RALYL: variants seen among roughly 807,000 people sequenced by gnomAD.
RALYL encodes RALY RNA binding protein like.
In RALYL, 29 loss-of-function variants were observed where a neutral mutation model predicts 35.1. The observed-to-expected ratio is 0.83, with a 90% CI of 0.61 to 1.13. The LOEUF is 1.13. RALYL is among the 50% of genes most tolerant of loss of function. The pLI is 0.00. For missense variants in RALYL, 359 were observed against 360.4 expected, an observed-to-expected ratio of 1.00 and a Z score of 0.03; for synonymous variants, 120 against 127.6, an observed-to-expected ratio of 0.94 and a Z score of 0.40.
intron 2 of RALYL, among the ~76,000 whole-genome samples, chr8:84,632,189 C>T (rs1238717136): frequency 6.6e-6 from 1 of 151,900 alleles, no homozygotes; most frequent in Non-Finnish European, 1.5e-5. Context: ...CCTCATAAGA[C>T]ACAGAATCTG....
chr8:84,771,965 G>C (rs759036828), intron 2 of RALYL, among the ~76,000 whole-genome samples: 84 of 151,772 alleles, frequency 5.5e-4, no homozygotes, highest in Non-Finnish European at 1.1e-3. Flanking sequence ...CTATTTTATT[G>C]CTTTCTAAAC....
intron 2 of RALYL, among the ~76,000 whole-genome samples, chr8:84,716,974 A>C (rs1483128045): frequency 6.6e-6 from 1 of 152,074 alleles, no homozygotes; most frequent in African/African-American, 2.4e-5. Flanking sequence ...AGATCACGAG[A>C]TCAGAAGTTT....
intron 1 of RALYL, among the ~76,000 whole-genome samples, chr8:84,431,383 G>C (rs2047124832): frequency 6.6e-6 from 1 of 151,818 alleles, no homozygotes; most frequent in African/African-American, 2.4e-5. Context: ...ATGGCCAACA[G>C]GTCTATGAAA....
Position 84,525,953 on chromosome 8 carries a change from C to CTTTTTTTTTTTTTTTTTTTTT in RALYL, c.-23-3344_-23-3324dup, listed in dbSNP as rs35794329. Among the ~76,000 whole-genome samples, 65 of 104,862 alleles carry CTTTTTTTTTTTTTTTTTTTTT rather than the reference C, an allele frequency of 6.2e-4. 1 individual carries two copies. Among genetic ancestry groups the CTTTTTTTTTTTTTTTTTTTTT allele is most frequent in the African/African-American group, 1.8e-3 (48 of 25,996 alleles). 68.8% of individuals were successfully genotyped at this position (104,862 alleles called of 152,430 possible). ...ACTTCTATTTTCTCTTTTCTTTTTT[C>CTTTTTTTTTTTTTTTTTTTTT]TTTTTTTTTTTTTTTTTTTTTTGAG... On this transcript the variant is annotated intron_variant, in intron 1 of 8. Transcript: ENST00000521268.
chr8:84,597,917 C>T (rs115179766), intron 2 of RALYL, among the ~76,000 whole-genome samples: 348 of 152,080 alleles, frequency 2.3e-3, no homozygotes, highest in African/African-American at 5.2e-3. Flanking sequence ...TTTGTTGATC[C>T]CTGCTCTTAA....
intron 1 of RALYL, among the ~76,000 whole-genome samples, chr8:84,397,320 G>A (rs2042441958): frequency 6.6e-6 from 1 of 152,126 alleles, no homozygotes. Context: ...GGTATTTTAA[G>A]TAATTTAAAT....
chr8:84,577,459 A>T (rs916230359), intron 2 of RALYL, among the ~76,000 whole-genome samples: 18 of 152,222 alleles, frequency 1.2e-4, no homozygotes, highest in African/African-American at 4.3e-4. Context: ...CAGAGCATTC[A>T]TGGGGTTTGA....
chr8:84,467,122 T>G (rs1255224727), intron 1 of RALYL, among the ~76,000 whole-genome samples: 1 of 152,090 alleles, frequency 6.6e-6, no homozygotes, highest in Admixed American at 6.5e-5. Context: ...TTTTGAAGGG[T>G]TTTTTGTGTC....
chr8:84,489,198 A>C (rs918580914), intron 1 of RALYL, among the ~76,000 whole-genome samples: 1 of 151,886 alleles, frequency 6.6e-6, no homozygotes, highest in Non-Finnish European at 1.5e-5. Context: ...GCTAGCTACT[A>C]TTGGCTTTTC....
At chr8:84,340,745 C>A (rs935584158) in intron 1 of RALYL, among the ~76,000 whole-genome samples, 1 of 151,978 alleles carries the variant, frequency 6.6e-6, no homozygotes, top group African/African-American at 2.4e-5. Context: ...GTTTCCATAT[C>A]TTGGCTGTTT....
intron 1 of RALYL, among the ~76,000 whole-genome samples, chr8:84,349,517 A>G (rs893707519): frequency 2.7e-5 from 4 of 150,204 alleles, no homozygotes; most frequent in African/African-American, 9.9e-5. Context: ...CACACTGGAC[A>G]TCTTTGGTTA....
chr8:84,781,090 C>T (rs1361472897), intron 3 of RALYL, among the ~76,000 whole-genome samples: 1 of 151,972 alleles, frequency 6.6e-6, no homozygotes, highest in Non-Finnish European at 1.5e-5. Context: ...CTCAAACTCC[C>T]AAGCTTAAGC....
intron 2 of RALYL, among the ~76,000 whole-genome samples, chr8:84,555,592 A>T (rs949971801): frequency 1.3e-5 from 2 of 152,216 alleles, no homozygotes; most frequent in African/African-American, 4.8e-5. Context: ...ATCAGTGAAC[A>T]TTTGGATAAA....
intron 1 of RALYL, among the ~76,000 whole-genome samples, chr8:84,402,433 T>C (rs1171625594): frequency 1.3e-5 from 2 of 152,126 alleles, no homozygotes; most frequent in Non-Finnish European, 2.9e-5. Context: ...ATGATAATAA[T>C]GGTGTTCTAG....
At chr8:84,654,748 C>T (rs1418150321) in intron 2 of RALYL, among the ~76,000 whole-genome samples, 1 of 152,008 alleles carries the variant, frequency 6.6e-6, no homozygotes, top group African/African-American at 2.4e-5. Flanking sequence ...TATGTTGTTG[C>T]AAAAACAGGA....
chr8:84,664,286 T>TTC (rs1831520481), intron 2 of RALYL, among the ~76,000 whole-genome samples: 1 of 150,248 alleles, frequency 6.7e-6, no homozygotes, highest in Non-Finnish European at 1.5e-5. Context: ...TTTTTTTTTT[T>TTC]TCGCTTTGGA....
chr8:84,602,014 G>T (rs764966691), intron 2 of RALYL, among the ~76,000 whole-genome samples: 1 of 151,818 alleles, frequency 6.6e-6, no homozygotes, highest in South Asian at 2.1e-4. Context: ...TTCTTGTCTC[G>T]TAATTTTCTC....
At chr8:84,447,857 A>G (rs1272350404) in intron 1 of RALYL, among the ~76,000 whole-genome samples, 1 of 152,002 alleles carries the variant, frequency 6.6e-6, no homozygotes, top group Non-Finnish European at 1.5e-5. Context: ...TTCACCTTCT[A>G]CATGAAAACT....
chr8:84,723,989 A>G (rs1434811342), intron 2 of RALYL, among the ~76,000 whole-genome samples: 2 of 151,792 alleles, frequency 1.3e-5, no homozygotes, highest in East Asian at 1.9e-4. Flanking sequence ...CTGGCTCTGT[A>G]CCTGGTTCAT....
Sources: gnomAD v4.1 joint callset for allele counts (sites outside exome capture counted in the v4.1 genomes callset) on GRCh38, gnomAD v4.1.1 for gene constraint, MANE v1.5 for transcripts, NCBI Gene and HGNC (gene_info 2026-07-23, HGNC 2026-07-21) for gene names.